Variants in CACNB2 observed in about 807,000 individuals in gnomAD.
CACNB2 encodes calcium voltage-gated channel auxiliary subunit beta 2, also known as voltage-dependent L-type calcium channel subunit beta-2.
Under a neutral mutation model 73.3 loss-of-function variants are expected in CACNB2, and 42 were observed. That is an observed-to-expected ratio of 0.57 (90% CI 0.45 to 0.74). The LOEUF is 0.74. CACNB2 is among the 30% of genes least tolerant of loss of function. CACNB2 has a pLI of 0.00. For synonymous variants in CACNB2, 348 were observed against 310.3 expected (o/e 1.12, Z -1.28); for missense variants, 940 against 853.0 (o/e 1.10, Z -1.27).
intron 2 of CACNB2, among the ~76,000 whole-genome samples, chr10:18,298,317 C>T (rs996493941): frequency 4.0e-5 from 6 of 151,844 alleles, no homozygotes; most frequent in African/African-American, 1.5e-4. Flanking sequence ...TTGCAGTGAG[C>T]CGAGATTACG....
intron 2 of CACNB2, among the ~76,000 whole-genome samples, chr10:18,227,350 G>C (rs1166490053): frequency 1.3e-5 from 2 of 152,098 alleles, no homozygotes; most frequent in African/African-American, 4.8e-5. Context: ...GGGCTGGGGA[G>C]TGGCTGGAGG....
intron 3 of CACNB2, among the ~76,000 whole-genome samples, chr10:18,478,273 T>G (rs939630881): frequency 6.6e-6 from 1 of 152,166 alleles, no homozygotes; most frequent in Non-Finnish European, 1.5e-5. Context: ...CTCTTCTATT[T>G]CCCACAGAAC....
chr10:18,197,626 T>C (rs1235687018), intron 2 of CACNB2, among the ~76,000 whole-genome samples: 3 of 152,182 alleles, frequency 2.0e-5, no homozygotes, highest in African/African-American at 7.2e-5. Flanking sequence ...GAAACCTCTC[T>C]TTGTATTTCA....
chr10:18,386,386 T>C (rs2043231310), intron 2 of CACNB2, among the ~76,000 whole-genome samples: 1 of 150,206 alleles, frequency 6.7e-6, no homozygotes, highest in Non-Finnish European at 1.5e-5. Flanking sequence ...TTACTGTTGC[T>C]CTTTTATTTA....
In CACNB2 at chr10:18,205,430, A is replaced by G. The variant is rs971319104; in HGVS notation, c.213+54455A>G. The stretch of plus-strand genomic sequence containing the variant: ...GTCTATATATGCATAGAGGATGCGC[A>G]TGACTAGTTTGTTGAACAGTCAAAA... On this transcript the variant is annotated intron_variant, in intron 2 of 13. Coordinates refer to ENST00000324631, the MANE Select transcript of CACNB2 (RefSeq NM_201596.3). Among the ~76,000 whole-genome samples, 15 of 152,230 alleles carry G rather than the reference A, an allele frequency of 9.9e-5. No individual in the cohort carries two copies. The South Asian group carries it at 1.4e-3, about 15-fold the overall frequency.
At chr10:18,483,068 A>G (rs558356573) in intron 3 of CACNB2, among the ~76,000 whole-genome samples, 29 of 152,280 alleles carry the variant, frequency 1.9e-4, no homozygotes, top group African/African-American at 6.7e-4. Flanking sequence ...CTCAACACTG[A>G]AGCAAGGGCA....
chr10:18,369,358 C>G (rs1000780502), intron 2 of CACNB2, among the ~76,000 whole-genome samples: 1 of 151,948 alleles, frequency 6.6e-6, no homozygotes, highest in Non-Finnish European at 1.5e-5. Context: ...ATATCCTGTA[C>G]TTTGCTGTAG....
intron 2 of CACNB2, among the ~76,000 whole-genome samples, chr10:18,345,951 T>A (rs969163643): frequency 1.3e-5 from 2 of 152,186 alleles, no homozygotes; most frequent in Non-Finnish European, 2.9e-5. Context: ...GTGCATTCTG[T>A]CTCACCTTTC....
At chr10:18,418,481 C>A (rs2132695771) in intron 3 of CACNB2, among the ~76,000 whole-genome samples, 1 of 152,326 alleles carries the variant, frequency 6.6e-6, no homozygotes, top group Non-Finnish European at 1.5e-5. Context: ...CTTACTTCTA[C>A]ATTTGAGTCC....
intron 2 of CACNB2, among the ~76,000 whole-genome samples, chr10:18,309,220 T>C (rs1198467259): frequency 1.6e-4 from 25 of 152,170 alleles, no homozygotes; most frequent in Admixed American, 1.3e-3. Context: ...AAGTGACTCT[T>C]GTATTTATGA....
chr10:18,526,094 C>A (rs781502675), intron 9 of CACNB2, among the ~76,000 whole-genome samples: 32 of 152,152 alleles, frequency 2.1e-4, no homozygotes, highest in Non-Finnish European at 4.0e-4. Context: ...AGGTTCTGTG[C>A]TCATAGGCGG....
intron 6 of CACNB2, among the ~76,000 whole-genome samples, chr10:18,510,172 T>C (rs931397144): frequency 6.6e-6 from 1 of 152,232 alleles, no homozygotes; most frequent in Non-Finnish European, 1.5e-5. Flanking sequence ...TAGTACATTA[T>C]AGAAAGTTCT....
At chr10:18,244,405 A>T (rs1443303076) in intron 2 of CACNB2, among the ~76,000 whole-genome samples, 1 of 152,230 alleles carries the variant, frequency 6.6e-6, no homozygotes, top group African/African-American at 2.4e-5. Context: ...GTCAGTGATT[A>T]TGGGGATCCC....
At chr10:18,225,328 T>C (rs1341128042) in intron 2 of CACNB2, among the ~76,000 whole-genome samples, 1 of 152,130 alleles carries the variant, frequency 6.6e-6, no homozygotes, top group Admixed American at 6.5e-5. Flanking sequence ...ATTAAGTCCC[T>C]ACTTGATGCA....
chr10:18,457,929 T>G (rs905819602), intron 3 of CACNB2, among the ~76,000 whole-genome samples: 2 of 152,042 alleles, frequency 1.3e-5, no homozygotes, highest in Non-Finnish European at 2.9e-5. Context: ...TTTGGAGAAG[T>G]ACTAAATATA....
At chr10:18,478,133 T>A (rs758911437) in intron 3 of CACNB2, among the ~76,000 whole-genome samples, 36 of 152,156 alleles carry the variant, frequency 2.4e-4, no homozygotes, top group Non-Finnish European at 8.8e-5. Context: ...GATTTCACCA[T>A]GTTGCCCAGG....
chr10:18,389,225 C>T (rs542044673), intron 2 of CACNB2, among the ~76,000 whole-genome samples: 25 of 152,184 alleles, frequency 1.6e-4, no homozygotes, highest in Non-Finnish European at 3.5e-4. Flanking sequence ...TAGCCTTGAA[C>T]TCCTGAGCTC....
At chr10:18,271,083 T>G (rs1262272103) in intron 2 of CACNB2, among the ~76,000 whole-genome samples, 3 of 152,228 alleles carry the variant, frequency 2.0e-5, no homozygotes, top group Admixed American at 2.0e-4. Context: ...TATACTTGTG[T>G]GTATAAACAC....
intron 3 of CACNB2, among the ~76,000 whole-genome samples, chr10:18,431,658 C>T (rs1037251130): frequency 1.3e-5 from 2 of 152,178 alleles, no homozygotes; most frequent in South Asian, 2.1e-4. Context: ...AGGAAGTTAA[C>T]GGAGATGAAA....
Sources: allele counts gnomAD v4.1 joint callset (sites outside exome capture counted in the v4.1 genomes callset), GRCh38; gene constraint gnomAD v4.1.1; transcripts MANE v1.5; gene names NCBI Gene and HGNC (gene_info 2026-07-23, HGNC 2026-07-21).